Variants in FANCB observed in about 807,000 individuals in gnomAD.
FANCB encodes FA complementation group B.
A neutral mutation model predicts 38.9 loss-of-function variants in FANCB; 5 were observed. The ratio of observed to expected loss-of-function variants is 0.13; its 90% CI spans 0.07 to 0.27. FANCB has a LOEUF of 0.27. Among genes scored for constraint, FANCB ranks in the 10% least tolerant of loss-of-function variants. FANCB has a pLI of 1.00. For missense variants in FANCB, 573 were observed against 602.7 expected (o/e 0.95, Z 0.52); for synonymous variants, 236 against 215.4 (o/e 1.10, Z -0.84).
the FANCB span, among the ~76,000 whole-genome samples, chrX:14,698,019 A>C: frequency 8.9e-6 from 1 of 111,936 alleles, no homozygotes; most frequent in Admixed American, 9.5e-5. Context: ...TTAACTAATA[A>C]CAATGAAGAT....
At chrX:14,801,638 A>C in the FANCB span, among the ~76,000 whole-genome samples, 5 of 110,998 alleles carry the variant, frequency 4.5e-5, no homozygotes, top group African/African-American at 1.6e-4. Context: ...CCGTGTGTGC[A>C]TGTGTGTGTG....
chrX:14,845,186 T>C lies in FANCB; in HGVS notation c.1597A>G (p.Asn533Asp), dbSNP rs1340852448. 1 of 1,210,382 alleles carries C rather than the reference T, an allele frequency of 8.3e-7. No homozygotes were observed. Among genetic ancestry groups the C allele is most frequent in the Non-Finnish European group, 1.1e-6 (1 of 894,236 alleles). Residue 533 changes from asparagine to aspartate, a missense_variant, in exon 8 of 10, where the codon AAT becomes GAT. Coordinates refer to ENST00000650831, the MANE Select transcript of FANCB (RefSeq NM_001018113.3). The part of the protein sequence containing the change: ...CQNRVIKLST[N>D]PFPAPYLMPC... The stretch of plus-strand genomic sequence containing the variant: ...ATCAAGTATGGTGCTGGGAAAGGAT[T>C]TGTACTCAACTTAATCACCCTATTT...
the FANCB span, among the ~76,000 whole-genome samples, chrX:14,747,791 T>C: frequency 2.7e-5 from 3 of 112,535 alleles, no homozygotes; most frequent in African/African-American, 9.7e-5. Flanking sequence ...TATCTCATGA[T>C]ATGACAGTTT....
the FANCB span, among the ~76,000 whole-genome samples, chrX:14,802,139 G>T: frequency 0.01 from 1,152 of 111,372 alleles, 11 homozygotes; most frequent in Middle Eastern, 0.041. Flanking sequence ...TTGAGGGTGG[G>T]GTTAAGGAAA....
rs1209013786 is a variant in FANCB at position 14,865,410 on chromosome X, T to A, written c.101A>T (p.Asp34Val). Residue 34 changes from aspartate to valine, a missense_variant, in exon 3 of 10, where the codon GAT becomes GTT. By Grantham distance (152) the Asp-to-Val change is radical. Transcript: ENST00000650831. The stretch of plus-strand genomic sequence containing the variant: ...TATGGGTGTTTTTGTAGGCTCTTTA[T>A]CTGCAAAATTTCCTTTAGACAACTG... ...VFQLSKGNFADKEPTKTPILH... is the reference protein window; with the variant it reads ...VFQLSKGNFAVKEPTKTPILH... 3 of 1,206,920 alleles carry A rather than the reference T, an allele frequency of 2.5e-6. No individual in the cohort carries two copies. The highest frequency in any genetic ancestry group is 1.7e-5 in the African/African-American group (1 of 57,198).
the FANCB span, among the ~76,000 whole-genome samples, chrX:14,747,487 A>T: frequency 2.7e-5 from 3 of 112,733 alleles, no homozygotes; most frequent in Non-Finnish European, 5.6e-5. Context: ...GGTTGCATTT[A>T]AAAAAACTAC....
At chrX:14,764,271 G>A in the FANCB span, among the ~76,000 whole-genome samples, 2 of 110,617 alleles carry the variant, frequency 1.8e-5, no homozygotes, top group Non-Finnish European at 3.8e-5. Flanking sequence ...GCAGCTGTAC[G>A]ACTGAGATCC....
At chrX:14,700,018 A>C in the FANCB span, among the ~76,000 whole-genome samples, 1 of 111,363 alleles carries the variant, frequency 9.0e-6, no homozygotes, top group African/African-American at 3.3e-5. Context: ...AGGTAAAACT[A>C]ATGGGTACTA....
chrX:14,753,199 T>G, the FANCB span, among the ~76,000 whole-genome samples: 1 of 111,722 alleles, frequency 9.0e-6, no homozygotes, highest in Non-Finnish European at 1.9e-5. Flanking sequence ...ACATTCCAAT[T>G]CTGTTAATCA....
At chrX:14,808,300 G>A in the FANCB span, among the ~76,000 whole-genome samples, 1 of 111,458 alleles carries the variant, frequency 9.0e-6, no homozygotes, top group Non-Finnish European at 1.9e-5. Context: ...AAATATTGAT[G>A]CAAAAATCCT....
intron 1 of FANCB, among the ~76,000 whole-genome samples, chrX:14,872,030 T>C (rs1256516282): frequency 9.0e-6 from 1 of 111,449 alleles, no homozygotes; most frequent in Non-Finnish European, 1.9e-5. Flanking sequence ...CCAGGCAGTA[T>C]GATCCAAAAT....
chrX:14,851,430 C>T (rs1171160355), intron 6 of FANCB, among the ~76,000 whole-genome samples: 1 of 111,636 alleles, frequency 9.0e-6, no homozygotes, highest in East Asian at 2.8e-4. Context: ...GAACTGAAGC[C>T]AACTCGTTCC....
intron 1 of FANCB, among the ~76,000 whole-genome samples, chrX:14,870,680 C>T (rs58155523): frequency 0.035 from 3,924 of 111,403 alleles, 140 homozygotes; most frequent in African/African-American, 0.11. Context: ...CTCATCTACT[C>T]TTTACTGCCC....
the FANCB span, among the ~76,000 whole-genome samples, chrX:14,758,753 G>A: frequency 8.9e-6 from 1 of 111,886 alleles, no homozygotes; most frequent in Non-Finnish European, 1.9e-5. Context: ...TCTTCTCTCT[G>A]ACATAGTCTA....
At chrX:14,804,431 C>G in the FANCB span, among the ~76,000 whole-genome samples, 1 of 111,109 alleles carries the variant, frequency 9.0e-6, no homozygotes, top group Admixed American at 9.6e-5. Flanking sequence ...GGGAATTGAA[C>G]AATGAGAACA....
chrX:14,766,482 A>G, the FANCB span, among the ~76,000 whole-genome samples: 1 of 111,643 alleles, frequency 9.0e-6, no homozygotes, highest in South Asian at 3.7e-4. Flanking sequence ...TAGAGTTAAT[A>G]GTAAAGTGAA....
chrX:14,840,902 T>C (rs908407491), downstream of FANCB, among the ~76,000 whole-genome samples: 6 of 111,883 alleles, frequency 5.4e-5, no homozygotes, highest in Non-Finnish European at 1.1e-4. Flanking sequence ...TTTACTGCCC[T>C]TACTAAAGTT....
the FANCB span, among the ~76,000 whole-genome samples, chrX:14,777,263 GC>G: frequency 8.9e-6 from 1 of 112,192 alleles, no homozygotes; most frequent in Non-Finnish European, 1.9e-5. Context: ...GTGTAAATTA[GC>G]TGATTTTTCA....
chrX:14,871,750 CATTAT>C (rs2092498469), intron 1 of FANCB, among the ~76,000 whole-genome samples: 1 of 110,306 alleles, frequency 9.1e-6, no homozygotes, highest in African/African-American at 3.3e-5. Context: ...AATAAAACAG[CATTAT>C]ATATGTTCTA....
Sources: gnomAD v4.1 joint callset for allele counts (sites outside exome capture counted in the v4.1 genomes callset) on GRCh38, gnomAD v4.1.1 for gene constraint, MANE v1.5 for transcripts, NCBI Gene and HGNC (gene_info 2026-07-23, HGNC 2026-07-21) for gene names.